The following MED14 variants were observed in gnomAD, a reference collection of about 807,000 sequenced individuals.
The protein encoded by MED14 is mediator complex subunit 14.
Under a neutral mutation model 109.0 loss-of-function variants are expected in MED14, and 8 were observed. The ratio of observed to expected loss-of-function variants is 0.07; its 90% CI spans 0.04 to 0.13. MED14 has a LOEUF of 0.13. Among genes scored for constraint, MED14 ranks in the 10% least tolerant of loss-of-function variants. MED14 has a pLI of 1.00. For synonymous variants in MED14, 399 were observed against 408.7 expected, an observed-to-expected ratio of 0.98 and a Z score of 0.29; for missense variants, 711 against 1,142.4, an observed-to-expected ratio of 0.62 and a Z score of 5.44.
chrX:40,711,452 C>T (rs978761348), intron 7 of MED14, 151 bp from the exon 8 acceptor site: 4 of 392,876 alleles, frequency 1.0e-5, no homozygotes, highest in South Asian at 5.4e-5. Context: ...AATGCCTCAT[C>T]GTAAAAAGTA....
chrX:40,717,050 T>A (rs5963838), intron 3 of MED14, among the ~76,000 whole-genome samples: 2,233 of 111,034 alleles, frequency 0.02, 52 homozygotes, highest in African/African-American at 0.07. Flanking sequence ...AAAAATATAG[T>A]TAAAAGGAAT....
At chrX:40,714,448 T>C (rs1931446313) in intron 4 of MED14, 89 bp downstream of exon 4, 3 of 960,417 alleles carry the variant, frequency 3.1e-6, no homozygotes, top group Non-Finnish European at 1.4e-6. Context: ...GTTTTAACAA[T>C]GTTTTTTGCT....
rs1930055424 is a variant in MED14 at position 40,679,987 on chromosome X, C to T, written c.2757G>A (p.Arg919=). ...QSSTHIRLAF[R]NMYCIDIYCR... ...AGTATATATCAATGCAATACATGTTCCTGAAGGCCAGTCTGATGTGGGTGG... is the reference window on the plus strand; with the variant it reads ...AGTATATATCAATGCAATACATGTTTCTGAAGGCCAGTCTGATGTGGGTGG... Residue 919 remains arginine, a synonymous_variant, in exon 21 of 31, where the codon AGG becomes AGA. Coordinates refer to ENST00000324817, the MANE Select transcript of MED14 (RefSeq NM_004229.4). The T allele has an allele frequency of 2.5e-6, 3 of 1,210,737 alleles. No homozygotes were observed. Among genetic ancestry groups the T allele is most frequent in the Non-Finnish European group, 3.4e-6 (3 of 894,837 alleles).
Position 40,711,154 on chromosome X carries a change from A to G in MED14, c.1022+15T>C. On this transcript the variant is annotated intron_variant, in intron 8 of 30. Coordinates refer to ENST00000324817, the MANE Select transcript of MED14 (RefSeq NM_004229.4). ...ACAGTCATAGCACGAACCCACCAGA[A>G]CTGATTTTACTTACTTCCAAACTGA... 8.3e-7 allele frequency: 1 copy of G among 1,207,424 alleles called. No individual in the cohort carries two copies. Among genetic ancestry groups the G allele is most frequent in the Non-Finnish European group, 1.1e-6 (1 of 893,301 alleles).
At chrX:40,680,721 T>TA (rs1930079955) in intron 20 of MED14, 37 bp downstream of exon 20, 17 of 1,142,530 alleles carry the variant, frequency 1.5e-5, no homozygotes, top group Non-Finnish European at 2.0e-5. Context: ...GCTGGCATAC[T>TA]AAGTCTTATT....
chrX:40,717,312 A>C (rs1326789520), intron 3 of MED14, among the ~76,000 whole-genome samples: 1 of 110,538 alleles, frequency 9.0e-6, no homozygotes, highest in Non-Finnish European at 1.9e-5. Flanking sequence ...AAACCTTTAG[A>C]ACAGTGCCTA....
chrX:40,667,510 C>T (rs1404484046), intron 23 of MED14, among the ~76,000 whole-genome samples: 1 of 111,337 alleles, frequency 9.0e-6, no homozygotes, highest in Non-Finnish European at 1.9e-5. Flanking sequence ...ACAGAGTGAA[C>T]GAGGGGGGCA....
rs1197513271 is a variant in MED14 at position 40,688,440 on chromosome X, T to C, written c.2057+14A>G. The stretch of plus-strand genomic sequence containing the variant: ...AACATGTGGCACCAAGTGAAACATA[T>C]GACAGGGGCTTACTTTAATAAGCGA... On this transcript the variant is annotated intron_variant, in intron 16 of 30. Coordinates refer to ENST00000324817, the MANE Select transcript of MED14 (RefSeq NM_004229.4). 5 of 1,176,040 alleles carry C rather than the reference T, an allele frequency of 4.3e-6. No homozygotes were observed. The highest frequency in any genetic ancestry group is 2.2e-5 in the Admixed American group (1 of 45,916).
At chrX:40,735,802 T>G, upstream of MED14, 1 of 344,078 alleles carries the variant, frequency 2.9e-6, no homozygotes. Flanking sequence ...TCTGTGTCTG[T>G]TCTCTCAGCT....
At position 40,664,441 on chromosome X, in the gene MED14, C is replaced by A. The variant is rs1479646548; in HGVS notation, c.3314G>T (p.Arg1105Leu). The A allele has an allele frequency of 8.5e-7, 1 of 1,181,712 alleles. No individual in the cohort carries two copies. Among genetic ancestry groups the A allele is most frequent in the Admixed American group, 2.4e-5 (1 of 41,493 alleles). ...SPYTMVSPSG[R>L]AGNWPGSPQV... is the part of the protein sequence containing the mutation. The stretch of plus-strand genomic sequence containing the variant: ...AGGAGATCCTGGCCAGTTCCCTGCT[C>A]GTCCACTTGGTGACACCATAGTGTA... Residue 1105 changes from arginine to leucine, a missense_variant, in exon 25 of 31, where the codon CGA (arginine) becomes CTA (leucine). By Grantham distance (102) the Arg-to-Leu change is moderately radical. Coordinates refer to ENST00000324817, the MANE Select transcript of MED14 (RefSeq NM_004229.4).
chrX:40,648,914 C>T lies in MED14; in HGVS notation c.*2892G>A, dbSNP rs888190107. The T allele has an allele frequency of 9.0e-6, 1 of 111,039 alleles. No individual in the cohort carries two copies. The highest frequency in any genetic ancestry group is 1.9e-5 in the Non-Finnish European group (1 of 52,876). 9.2% of individuals were successfully genotyped at this position (111,039 alleles called of 1,213,427 possible). A position where few individuals can be genotyped will look rare whatever the true frequency, so the allele number is the denominator to read the frequency against. ...TTAGACACACTGTCCATTCTCAAACCGAATGAAAAAAAAATTCCACAAGAA... is the reference window on the plus strand; with the variant it reads ...TTAGACACACTGTCCATTCTCAAACTGAATGAAAAAAAAATTCCACAAGAA... On this transcript the variant is annotated 3_prime_UTR_variant, in exon 31 of 31. Transcript: ENST00000324817.
chrX:40,710,907 G>A (rs188610567), intron 8 of MED14, among the ~76,000 whole-genome samples: 3 of 111,461 alleles, frequency 2.7e-5, no homozygotes, highest in South Asian at 3.8e-4. Flanking sequence ...CAGGATTCCC[G>A]TCCCAATACC....
intron 28 of MED14, among the ~76,000 whole-genome samples, chrX:40,655,723 T>C (rs998924101): frequency 5.3e-5 from 6 of 112,470 alleles, no homozygotes; most frequent in Non-Finnish European, 1.9e-5. Flanking sequence ...AATGGATTTC[T>C]TTTTGACATA....
Position 40,650,933 on chromosome X carries a change from GAA to G in MED14, c.*871_*872del. ...TTCTGTAAACTAAATTTTCCTGACA[GAA>G]AAGTTCCCACATCCTCAACAGATGA... On this transcript the variant is annotated 3_prime_UTR_variant, in exon 31 of 31. Coordinates refer to ENST00000324817, the MANE Select transcript of MED14 (RefSeq NM_004229.4). 1.3e-6 allele frequency: 1 copy of G among 753,770 alleles called. No individual in the cohort carries two copies. 62.1% of individuals were successfully genotyped at this position (753,770 alleles called of 1,213,427 possible). A position where few individuals can be genotyped will look rare whatever the true frequency, so the allele number is the denominator to read the frequency against.
chrX:40,695,641 G>A (rs899727617), intron 13 of MED14, among the ~76,000 whole-genome samples: 3 of 112,200 alleles, frequency 2.7e-5, no homozygotes, highest in Non-Finnish European at 5.6e-5. Context: ...CATGGGTTTC[G>A]CTATGATGCA....
At chrX:40,709,562 C>T in intron 9 of MED14, 103 bp from the exon 10 acceptor site, 1 of 368,739 alleles carries the variant, frequency 2.7e-6, no homozygotes. Flanking sequence ...CTTTTGGAAT[C>T]ACACTGATTA....
At chrX:40,706,967 TA>T (rs1486865949) in intron 10 of MED14, among the ~76,000 whole-genome samples, 1 of 112,125 alleles carries the variant, frequency 8.9e-6, no homozygotes, top group African/African-American at 3.2e-5. Context: ...AAGTCTTCTT[TA>T]AGAACAAAAG....
chrX:40,651,953 T>A, intron 30 of MED14, 74 bp from the exon 31 acceptor site: 2 of 970,712 alleles, frequency 2.1e-6, no homozygotes, highest in Non-Finnish European at 2.7e-6. Context: ...AGGGAAGGGG[T>A]AATTAAATCT....
rs1379065821 is a variant in MED14, at chrX:40,710,029, C to G, written c.1123G>C (p.Asp375His). ...GAATCAGAAGCTGGCAAAGGAGGAT[C>G]GTGAAAAATCTGTAAAGGCTTGGAG... Reference protein sequence around the residue: ...DVSKPLQIFHDPPLPASDSKL... With the variant: ...DVSKPLQIFHHPPLPASDSKL... Residue 375 changes from aspartate to histidine, a missense_variant, in exon 9 of 31, where the codon GAT becomes CAT. By Grantham distance (81) the Asp-to-His change is moderately conservative. This residue lies in a region of MED14 where 388 missense variants were observed against 517.3 expected (regional missense o/e 0.75). Coordinates refer to ENST00000324817, the MANE Select transcript of MED14 (RefSeq NM_004229.4). 1 of 1,180,325 alleles carries G rather than the reference C, an allele frequency of 8.5e-7. No homozygotes were observed. The highest frequency in any genetic ancestry group is 2.3e-5 in the Admixed American group (1 of 42,720).
Sources: gnomAD v4.1 joint callset for allele counts (sites outside exome capture counted in the v4.1 genomes callset) on GRCh38, gnomAD v4.1.1 for gene constraint, gnomAD v4.1.1 regional missense constraint, MANE v1.5 for transcripts, NCBI Gene and HGNC (gene_info 2026-07-23, HGNC 2026-07-21) for gene names.